LAMTOR1: variants seen among roughly 807,000 people sequenced by gnomAD.
LAMTOR1 encodes the protein late endosomal/lysosomal adaptor, MAPK and MTOR activator 1, also known as ragulator complex protein LAMTOR1.
In LAMTOR1, 8 loss-of-function variants were observed where a neutral mutation model predicts 20.5. The observed-to-expected ratio is 0.39, with a 90% CI of 0.23 to 0.70. The LOEUF (loss-of-function observed/expected upper bound fraction) is 0.70, where lower values mean the gene tolerates loss of function less well. Among genes scored for constraint, LAMTOR1 ranks in the 30% least tolerant of loss-of-function variants. The probability of loss-of-function intolerance (pLI) is 0.43; values close to 1 mark genes in which losing one functional copy is unlikely to be tolerated. For synonymous variants in LAMTOR1, 77 were observed against 80.9 expected, an observed-to-expected ratio of 0.95 and a Z score of 0.26; for missense variants, 135 against 206.2, an observed-to-expected ratio of 0.65 and a Z score of 2.11.
Position 72,097,530 on chromosome 11 carries a change from AC to A in LAMTOR1, c.*291del. 11 of 1,179,912 alleles carry A rather than the reference AC, an allele frequency of 9.3e-6. No individual in the cohort carries two copies. The highest frequency in any genetic ancestry group is 4.9e-5 in the East Asian group (1 of 20,412). 73.1% of individuals were successfully genotyped at this position (1,179,912 alleles called of 1,614,324 possible). A position where few individuals can be genotyped will look rare whatever the true frequency, so the allele number is the denominator to read the frequency against. On this transcript the variant is annotated 3_prime_UTR_variant, in exon 5 of 5. Coordinates refer to ENST00000278671, the MANE Select transcript of LAMTOR1 (RefSeq NM_017907.3). ...GATCTCCCTAGGTCCCCTGGTGATC[AC>A]CCCCCACCCAAACTGGTATCTCCAC...
Position 72,097,461 on chromosome 11 carries a change from G to C in LAMTOR1, c.*361C>G. 1 of 1,042,394 alleles carries C rather than the reference G, an allele frequency of 9.6e-7. No homozygotes were observed. The highest frequency in any genetic ancestry group is 1.2e-6 in the Non-Finnish European group (1 of 863,884). 64.6% of individuals were successfully genotyped at this position (1,042,394 alleles called of 1,614,324 possible). A position where few individuals can be genotyped will look rare whatever the true frequency, so the allele number is the denominator to read the frequency against. ...GCATGTGAGCACCAAGTCAGGGAGAGGGGGCAGGAGTGACTCTGAGGCCAA... is the reference window on the plus strand; with the variant it reads ...GCATGTGAGCACCAAGTCAGGGAGACGGGGCAGGAGTGACTCTGAGGCCAA... On this transcript the variant is annotated 3_prime_UTR_variant, in exon 5 of 5. Transcript: ENST00000278671.
Position 72,097,923 on chromosome 11 carries a change from G to A in LAMTOR1, c.394-9C>T. On this transcript the variant is annotated splice_polypyrimidine_tract_variant and intron_variant, in intron 4 of 4. Coordinates refer to ENST00000278671, the MANE Select transcript of LAMTOR1 (RefSeq NM_017907.3). ...GCAGCTATCCTGGAGACCTGAGACAGAGAGGGGCCGGGGAGGAGAGGAACA... is the reference window on the plus strand; with the variant it reads ...GCAGCTATCCTGGAGACCTGAGACAAAGAGGGGCCGGGGAGGAGAGGAACA... The A allele has an allele frequency of 1.3e-6, 2 of 1,581,812 alleles. No individual in the cohort carries two copies. Among genetic ancestry groups the A allele is most frequent in the Non-Finnish European group, 1.7e-6 (2 of 1,159,914 alleles).
Position 72,098,369 on chromosome 11 carries a change from G to C in LAMTOR1, c.313C>G (p.Leu105Val), listed in dbSNP as rs759702170. ...CTGGTAAGAGACGGCAGCGGTGGCA[G>C]CTTCTTCCAATGGGTCAGGCTGCTG... ...LSSSLTHWKKLPPLPSLTSQP... is the reference protein window; with the variant it reads ...LSSSLTHWKKVPPLPSLTSQP... Residue 105 changes from leucine to valine, a missense_variant, in exon 4 of 5, where the codon CTG (leucine) becomes GTG (valine). Coordinates refer to ENST00000278671, the MANE Select transcript of LAMTOR1 (RefSeq NM_017907.3). 1.2e-6 allele frequency: 2 copies of C among 1,612,594 alleles called. No homozygotes were observed. The highest frequency in any genetic ancestry group is 2.2e-5 in the South Asian group (2 of 90,708).
chr11:72,097,455 G>GT lies in LAMTOR1; in HGVS notation c.*366_*367insA. 9.6e-7 allele frequency: 1 copy of GT among 1,040,176 alleles called. No homozygotes were observed. 64.4% of individuals were successfully genotyped at this position (1,040,176 alleles called of 1,614,324 possible). A position where few individuals can be genotyped will look rare whatever the true frequency, so the allele number is the denominator to read the frequency against. On this transcript the variant is annotated 3_prime_UTR_variant, in exon 5 of 5. Transcript: ENST00000278671. ...TGAGGTGCATGTGAGCACCAAGTCA[G>GT]GGAGAGGGGGCAGGAGTGACTCTGA...
intron 1 of LAMTOR1, among the ~76,000 whole-genome samples, 180 bp from the exon 2 acceptor site, chr11:72,099,436 C>T (rs1945358185): frequency 6.6e-6 from 1 of 152,160 alleles, no homozygotes; most frequent in Non-Finnish European, 1.5e-5. Flanking sequence ...CTTGGGAGCT[C>T]AACTGAGTTG....
At position 72,097,921 on chromosome 11, in the gene LAMTOR1, C is replaced by A; in HGVS notation, c.394-7G>T. 6.3e-7 allele frequency: 1 copy of A among 1,584,972 alleles called. No homozygotes were observed. Among genetic ancestry groups the A allele is most frequent in the Non-Finnish European group, 8.6e-7 (1 of 1,160,538 alleles). On this transcript the variant is annotated splice_region_variant and splice_polypyrimidine_tract_variant and intron_variant, in intron 4 of 4. Coordinates refer to ENST00000278671, the MANE Select transcript of LAMTOR1 (RefSeq NM_017907.3). ...AAGCAGCTATCCTGGAGACCTGAGA[C>A]AGAGAGGGGCCGGGGAGGAGAGGAA... is the stretch of plus-strand genomic sequence containing the variant.
chr11:72,099,410 T>TCA (rs151044741), intron 1 of LAMTOR1, among the ~76,000 whole-genome samples, 154 bp from the exon 2 acceptor site: 2,375 of 152,278 alleles, frequency 0.016, 55 homozygotes, highest in African/African-American at 0.055. Context: ...CAGATAAGAC[T>TCA]CAGTTCCTGC....
intron 1 of LAMTOR1, among the ~76,000 whole-genome samples, chr11:72,102,035 T>C (rs1945461611): frequency 2.0e-5 from 3 of 152,186 alleles, no homozygotes; most frequent in African/African-American, 2.4e-5. Flanking sequence ...AAAGGAAATA[T>C]GTGTTCATTG....
intron 1 of LAMTOR1, among the ~76,000 whole-genome samples, chr11:72,100,154 T>A (rs943354691): frequency 6.6e-6 from 1 of 151,972 alleles, no homozygotes; most frequent in East Asian, 1.9e-4. Context: ...CCCACCTACT[T>A]GGGAGGCTGA....
Position 72,103,247 on chromosome 11 carries a change from C to G in LAMTOR1, c.-23G>C. 1 of 1,552,384 alleles carries G rather than the reference C, an allele frequency of 6.4e-7. No individual in the cohort carries two copies. The highest frequency in any genetic ancestry group is 8.7e-7 in the Non-Finnish European group (1 of 1,147,780). ...CATGGCCGGGGTCGGGCCGGGCGCT[C>G]AGGCCGCGCCGAGGAGGGACGGCGT... On this transcript the variant is annotated 5_prime_UTR_variant, in exon 1 of 5. Coordinates refer to ENST00000278671, the MANE Select transcript of LAMTOR1 (RefSeq NM_017907.3).
At chr11:72,098,707 G>C (rs1347336719) in intron 3 of LAMTOR1, 74 bp downstream of exon 3, 3 of 1,133,244 alleles carry the variant, frequency 2.6e-6, no homozygotes, top group African/African-American at 3.1e-5. Context: ...TAGGGGCCAG[G>C]CTCCAAAGCT....
At chr11:72,098,515 C>G in intron 3 of LAMTOR1, 100 bp from the exon 4 acceptor site, 5 of 1,398,830 alleles carry the variant, frequency 3.6e-6, no homozygotes, top group Non-Finnish European at 4.8e-6. Context: ...AGCAGGGTGT[C>G]GAGGAGGGGT....
At chr11:72,098,629 ATAAC>A (rs1945324031) in intron 3 of LAMTOR1, 148 bp downstream of exon 3, 1 of 783,504 alleles carries the variant, frequency 1.3e-6, no homozygotes, top group African/African-American at 1.8e-5. Flanking sequence ...GCTGACATGA[ATAAC>A]TACTGAAGCA....
At position 72,098,337 on chromosome 11, in the gene LAMTOR1, G is replaced by C; in HGVS notation, c.345C>G (p.Pro115=). 1 of 1,613,628 alleles carries C rather than the reference G, an allele frequency of 6.2e-7. No homozygotes were observed. Among genetic ancestry groups the C allele is most frequent in the Non-Finnish European group, 8.5e-7 (1 of 1,179,904 alleles). Residue 115 remains proline (P), a synonymous_variant, in exon 4 of 5, where the codon CCC becomes CCG. Coordinates refer to ENST00000278671, the MANE Select transcript of LAMTOR1 (RefSeq NM_017907.3). ...LPPLPSLTSQ[P]HQVLASEPIP... ...TGGGCTCACTGGCCAGCACTTGGTG[G>C]GGCTGGCTGGTAAGAGACGGCAGCG...
intron 4 of LAMTOR1, 187 bp downstream of exon 4, chr11:72,098,102 T>G (rs1028168339): frequency 9.9e-7 from 1 of 1,005,042 alleles, no homozygotes; most frequent in Admixed American, 2.8e-5. Context: ...CAATAAAGGT[T>G]GCAGGAAGGA....
chr11:72,098,515 C>A, intron 3 of LAMTOR1, 100 bp from the exon 4 acceptor site: 1 of 1,398,830 alleles, frequency 7.1e-7, no homozygotes. Context: ...AGCAGGGTGT[C>A]GAGGAGGGGT....
chr11:72,097,713 AT>A lies in LAMTOR1; in HGVS notation c.*108del. On this transcript the variant is annotated 3_prime_UTR_variant, in exon 5 of 5. Coordinates refer to ENST00000278671, the MANE Select transcript of LAMTOR1 (RefSeq NM_017907.3). ...CTCCTTCTTCACATTTTTCTCTGTGATTAGTAGCAGGTTAGGGTACTGTATA... is the reference window on the plus strand; with the variant it reads ...CTCCTTCTTCACATTTTTCTCTGTGATAGTAGCAGGTTAGGGTACTGTATA... The A allele has an allele frequency of 6.4e-7, 1 of 1,573,176 alleles. No homozygotes were observed. The highest frequency in any genetic ancestry group is 8.6e-7 in the Non-Finnish European group (1 of 1,158,160).
chr11:72,098,022 G>T, intron 4 of LAMTOR1, 108 bp from the exon 5 acceptor site: 1 of 1,357,194 alleles, frequency 7.4e-7, no homozygotes. Flanking sequence ...AGGGAATGAA[G>T]GGGAACAGGA....
At position 72,097,682 on chromosome 11, in the gene LAMTOR1, C is replaced by T. The variant is rs1016636121; in HGVS notation, c.*140G>A. 5 of 1,539,004 alleles carry T rather than the reference C, an allele frequency of 3.2e-6. No homozygotes were observed. Among genetic ancestry groups the T allele is most frequent in the Non-Finnish European group, 4.4e-6 (5 of 1,142,416 alleles). The stretch of plus-strand genomic sequence containing the variant: ...ACTTGCTCAGGCTTCTAGCCTTCCT[C>T]TTCTCCTCCTTCTTCACATTTTTCT... On this transcript the variant is annotated 3_prime_UTR_variant, in exon 5 of 5. Transcript: ENST00000278671.
Sources: gnomAD v4.1 joint callset for allele counts (sites outside exome capture counted in the v4.1 genomes callset) on GRCh38, gnomAD v4.1.1 for gene constraint, MANE v1.5 for transcripts, NCBI Gene and HGNC (gene_info 2026-07-23, HGNC 2026-07-21) for gene names.